CLVS1: variants seen among roughly 807,000 people sequenced by gnomAD.
CLVS1 encodes the protein clavesin 1.
CLVS1 carries 10 observed loss-of-function variants against 33.1 expected under a neutral mutation model. The ratio of observed to expected loss-of-function variants is 0.30; its 90% CI spans 0.19 to 0.51. The LOEUF (loss-of-function observed/expected upper bound fraction) is 0.51. CLVS1 is among the 20% of genes least tolerant of loss of function. The pLI, the probability that CLVS1 is intolerant of heterozygous loss-of-function variation, is 0.97. For synonymous variants in CLVS1, 163 were observed against 166.1 expected (o/e 0.98, Z 0.14); for missense variants, 343 against 433.4 (o/e 0.79, Z 1.85).
chr8:61,477,266 T>G (rs1198329541), intron 5 of CLVS1, among the ~76,000 whole-genome samples: 4 of 152,178 alleles, frequency 2.6e-5, no homozygotes, highest in Admixed American at 2.6e-4. Flanking sequence ...CTCTTTTTTT[T>G]TGTTGTGTCT....
chr8:61,304,571 G>C (rs1355973233), intron 2 of CLVS1, among the ~76,000 whole-genome samples: 1 of 152,214 alleles, frequency 6.6e-6, no homozygotes, highest in East Asian at 1.9e-4. Context: ...AGACCTAGGG[G>C]ACACTGCTGG....
intron 2 of CLVS1, among the ~76,000 whole-genome samples, chr8:61,203,660 T>C (rs1471904716): frequency 6.6e-6 from 1 of 152,238 alleles, no homozygotes; most frequent in Admixed American, 6.5e-5. Context: ...CCTTTATTTT[T>C]TACATGTCCC....
the CLVS1 span, among the ~76,000 whole-genome samples, chr8:61,044,300 C>G: frequency 6.6e-6 from 1 of 152,146 alleles, no homozygotes; most frequent in Non-Finnish European, 1.5e-5. Flanking sequence ...AAAAATATTT[C>G]TTGACATGCT....
the CLVS1 span, among the ~76,000 whole-genome samples, chr8:60,993,596 C>A: frequency 6.6e-6 from 1 of 152,224 alleles, no homozygotes; most frequent in Non-Finnish European, 1.5e-5. Context: ...GGAGCCCTAA[C>A]CACATAAGCT....
intron 1 of CLVS1, among the ~76,000 whole-genome samples, chr8:61,112,126 T>C (rs577963829): frequency 6.6e-6 from 1 of 152,072 alleles, no homozygotes; most frequent in South Asian, 2.1e-4. Context: ...AAGCATGATC[T>C]GCATTCCCAC....
chr8:61,219,684 A>T (rs1241975002), intron 2 of CLVS1, among the ~76,000 whole-genome samples: 1 of 152,210 alleles, frequency 6.6e-6, no homozygotes, highest in Non-Finnish European at 1.5e-5. Context: ...TTGCTGGGTC[A>T]AATGATATTT....
At chr8:61,129,448 G>T (rs1806044006) in intron 1 of CLVS1, among the ~76,000 whole-genome samples, 1 of 152,154 alleles carries the variant, frequency 6.6e-6, no homozygotes, top group Non-Finnish European at 1.5e-5. Flanking sequence ...CTTTAAATCT[G>T]TCTTTTTTCA....
chr8:61,110,950 T>G (rs1240865460), intron 1 of CLVS1, among the ~76,000 whole-genome samples: 1 of 152,208 alleles, frequency 6.6e-6, no homozygotes, highest in Non-Finnish European at 1.5e-5. Flanking sequence ...TGATGGATAT[T>G]TGGGTTGTTT....
At position 61,187,687 on chromosome 8, in the gene CLVS1, C is replaced by T. The variant is rs888350490; in HGVS notation, c.-152+55827C>T. Among the ~76,000 whole-genome samples, 8 of 151,916 alleles carry T rather than the reference C, an allele frequency of 5.3e-5. No homozygotes were observed. The South Asian group carries it at 8.3e-4, about 16-fold the overall frequency. Reference sequence around the variant, plus strand: ...TTTCCAGCAATGTCAGGCTTGGTTGCTTGGACCAGCTGTCTCAGTAAAAAC... The same window carrying T: ...TTTCCAGCAATGTCAGGCTTGGTTGTTTGGACCAGCTGTCTCAGTAAAAAC... On this transcript the variant is annotated intron_variant, in intron 2 of 2. Coordinates refer to the CLVS1 transcript ENST00000522621.
the CLVS1 span, among the ~76,000 whole-genome samples, chr8:60,997,964 ATG>A: frequency 2.0e-5 from 3 of 151,350 alleles, no homozygotes; most frequent in African/African-American, 7.3e-5. Context: ...GTTTGTGTGT[ATG>A]TGTGTGTTTG....
At chr8:61,466,270 G>T (rs1196715552) in intron 5 of CLVS1, among the ~76,000 whole-genome samples, 1 of 152,216 alleles carries the variant, frequency 6.6e-6, no homozygotes, top group Admixed American at 6.5e-5. Context: ...ACAGGTGACT[G>T]CAGGAGTGTT....
At chr8:61,339,933 TAAAAG>T (rs1286880637) in intron 2 of CLVS1, among the ~76,000 whole-genome samples, 2 of 109,950 alleles carry the variant, frequency 1.8e-5, no homozygotes, top group South Asian at 2.8e-4. Context: ...GAAAGAAAGA[TAAAAG>T]AAAGAGAGGG....
chr8:61,099,184 T>C (rs2129286133), intron 1 of CLVS1, among the ~76,000 whole-genome samples: 1 of 152,298 alleles, frequency 6.6e-6, no homozygotes, highest in South Asian at 2.1e-4. Context: ...GAATGCAGGC[T>C]AGTTTCACAT....
intron 1 of CLVS1, among the ~76,000 whole-genome samples, chr8:61,294,549 C>A (rs577022279): frequency 1.9e-4 from 29 of 152,002 alleles, no homozygotes; most frequent in Non-Finnish European, 3.7e-4. Flanking sequence ...GCAGTTTTAC[C>A]AACATTATTT....
chr8:61,289,098 T>C (rs1809882808), intron 1 of CLVS1, among the ~76,000 whole-genome samples: 1 of 152,230 alleles, frequency 6.6e-6, no homozygotes, highest in Non-Finnish European at 1.5e-5. Flanking sequence ...AAAGTAGTAA[T>C]GATATTCAGA....
Position 61,251,084 on chromosome 8 carries a change from G to A in CLVS1, c.-151-48593G>A, listed in dbSNP as rs182877762. 2.5e-3 allele frequency among the ~76,000 whole-genome samples: 376 copies of A among 152,212 alleles called. 1 individual carries two copies. The highest frequency in any genetic ancestry group is 3.4e-3 in the Middle Eastern group (1 of 294). ...AATAACTCTTATTATTTTCAGATACGTTCCATTGATACCTAGTTTATTGAG... is the reference window on the plus strand; with the variant it reads ...AATAACTCTTATTATTTTCAGATACATTCCATTGATACCTAGTTTATTGAG... On this transcript the variant is annotated intron_variant, in intron 2 of 2. Transcript: ENST00000522621.
chr8:61,163,754 A>T lies in CLVS1; in HGVS notation c.-152+31894A>T, dbSNP rs138554042. On this transcript the variant is annotated intron_variant, in intron 2 of 2. Transcript: ENST00000522621. ...TCTATTAGGACGAACCCGGGCACTT[A>T]GCCTTGCAGGAACAATAGCAAGCCT... Among the ~76,000 whole-genome samples, 19 of 152,342 alleles carry T rather than the reference A, an allele frequency of 1.2e-4. No individual in the cohort carries two copies. In the East Asian group the frequency reaches 3.7e-3, roughly 29 times the overall value.
At chr8:61,045,013 G>C in the CLVS1 span, among the ~76,000 whole-genome samples, 1 of 152,220 alleles carries the variant, frequency 6.6e-6, no homozygotes, top group Non-Finnish European at 1.5e-5. Flanking sequence ...GTGGATGCCA[G>C]CCTCTGTCCT....
At chr8:61,478,201 T>G in intron 5 of CLVS1, among the ~76,000 whole-genome samples, 1 of 152,066 alleles carries the variant, frequency 6.6e-6, no homozygotes, top group Non-Finnish European at 1.5e-5. Context: ...ATAATTTCTG[T>G]TCTTTTACAT....
Sources: allele counts gnomAD v4.1 joint callset (sites outside exome capture counted in the v4.1 genomes callset), GRCh38; gene constraint gnomAD v4.1.1; transcripts MANE v1.5; gene names NCBI Gene and HGNC (gene_info 2026-07-23, HGNC 2026-07-21).